BAIAP2L1: variants seen among roughly 807,000 people sequenced by gnomAD.
BAIAP2L1 encodes the protein BAR/IMD domain containing adaptor protein 2 like 1.
Under a neutral mutation model 66.3 loss-of-function variants are expected in BAIAP2L1, and 35 were observed. That is an observed-to-expected ratio of 0.53 (90% confidence interval 0.40 to 0.70). The LOEUF (loss-of-function observed/expected upper bound fraction) is 0.70. Ranked by LOEUF, BAIAP2L1 falls within the 30% of genes least tolerant of loss-of-function variation. BAIAP2L1 has a pLI of 0.00. For synonymous variants in BAIAP2L1, 269 were observed against 248.7 expected (o/e 1.08, Z -0.77); for missense variants, 622 against 656.9 (o/e 0.95, Z 0.58).
At chr7:98,344,461 T>C (rs185922640) in intron 3 of BAIAP2L1, among the ~76,000 whole-genome samples, 14 of 152,214 alleles carry the variant, frequency 9.2e-5, no homozygotes, top group Admixed American at 3.3e-4. Flanking sequence ...ATCTATCTAA[T>C]AGAATAGATT....
chr7:98,308,470 C>G (rs956663489), intron 9 of BAIAP2L1: 7 of 364,916 alleles, frequency 1.9e-5, no homozygotes, highest in African/African-American at 8.5e-5. Flanking sequence ...GCTGCCATCC[C>G]GCCAGGCTCC....
chr7:98,306,725 A>G (rs894171185), intron 10 of BAIAP2L1: 9 of 693,394 alleles, frequency 1.3e-5, no homozygotes, highest in African/African-American at 1.8e-5. Flanking sequence ...TTTTTTTAAT[A>G]GAGACAGGGT....
At chr7:98,305,260 T>C (rs959332355) in intron 11 of BAIAP2L1, among the ~76,000 whole-genome samples, 17 of 151,558 alleles carry the variant, frequency 1.1e-4, no homozygotes, top group African/African-American at 3.2e-4. Flanking sequence ...TCTTGATTGA[T>C]TTAATCTAAG....
At chr7:98,332,665 TG>T (rs1013202462) in intron 3 of BAIAP2L1, among the ~76,000 whole-genome samples, 16 of 151,038 alleles carry the variant, frequency 1.1e-4, no homozygotes, top group African/African-American at 3.9e-4. Flanking sequence ...AAAAATTAGC[TG>T]GGCCTAGTGG....
chr7:98,392,009 A>G lies in BAIAP2L1; in HGVS notation c.51+8793T>C, dbSNP rs368550957. ...CTGAAAACACACACACATCCCTTCTATGTGTTATTAAAAAGGAAGTGGTTT... is the reference window on the plus strand; with the variant it reads ...CTGAAAACACACACACATCCCTTCTGTGTGTTATTAAAAAGGAAGTGGTTT... On this transcript the variant is annotated intron_variant, in intron 1 of 13. Coordinates refer to ENST00000005260, the MANE Select transcript of BAIAP2L1 (RefSeq NM_018842.5). Among the ~76,000 whole-genome samples the G allele has an allele frequency of 1.1e-3, 161 of 151,990 alleles. 2 individuals carry two copies. The South Asian group carries it at 0.032, about 30-fold the overall frequency.
At chr7:98,304,401 C>T (rs755519692) in intron 11 of BAIAP2L1, 25 bp from the exon 12 acceptor site, 38 of 1,611,606 alleles carry the variant, frequency 2.4e-5, no homozygotes, top group Non-Finnish European at 3.1e-5. Context: ...GGACACAGCA[C>T]GTGTTAGATA....
At chr7:98,374,330 G>C (rs1245512096) in intron 1 of BAIAP2L1, among the ~76,000 whole-genome samples, 3 of 152,150 alleles carry the variant, frequency 2.0e-5, no homozygotes, top group African/African-American at 7.2e-5. Flanking sequence ...CCGGCTCTAT[G>C]TCTAACATTT....
chr7:98,329,475 G>A (rs989423335), intron 3 of BAIAP2L1, among the ~76,000 whole-genome samples: 1 of 152,138 alleles, frequency 6.6e-6, no homozygotes, highest in Non-Finnish European at 1.5e-5. Flanking sequence ...TTACGTCTAG[G>A]AGTCCCACCA....
intron 3 of BAIAP2L1, among the ~76,000 whole-genome samples, chr7:98,329,049 CATCCATCAGGATTG>C (rs1444738853): frequency 6.6e-6 from 1 of 152,182 alleles, no homozygotes; most frequent in East Asian, 1.9e-4. Context: ...GTTTAAGTTG[CATCCATCAGGATTG>C]ATCCATCAGA....
At chr7:98,370,793 G>A (rs1198413707) in intron 1 of BAIAP2L1, among the ~76,000 whole-genome samples, 3 of 152,122 alleles carry the variant, frequency 2.0e-5, no homozygotes, top group African/African-American at 4.8e-5. Context: ...GAGCCACCGC[G>A]CCTGGCCAAT....
chr7:98,320,369 T>C, intron 3 of BAIAP2L1, 71 bp from the exon 4 acceptor site: 2 of 1,234,814 alleles, frequency 1.6e-6, no homozygotes, highest in South Asian at 1.4e-5. Flanking sequence ...GAGTTTTTGC[T>C]CTGTCGCCCA....
At chr7:98,297,953 G>A (rs1447083289) in intron 12 of BAIAP2L1, among the ~76,000 whole-genome samples, 1 of 152,218 alleles carries the variant, frequency 6.6e-6, no homozygotes, top group East Asian at 1.9e-4. Context: ...AATTCAGGCC[G>A]GGCACAGTGG....
chr7:98,354,921 T>G, intron 3 of BAIAP2L1, 121 bp downstream of exon 3: 1 of 747,532 alleles, frequency 1.3e-6, no homozygotes, highest in Non-Finnish European at 2.4e-6. Flanking sequence ...CGCGGTGAAG[T>G]AGAACCACAG....
At chr7:98,340,012 C>G (rs769988803) in intron 3 of BAIAP2L1, among the ~76,000 whole-genome samples, 1 of 152,128 alleles carries the variant, frequency 6.6e-6, no homozygotes, top group Non-Finnish European at 1.5e-5. Context: ...GGGACACTTA[C>G]GCTGTCTCCA....
intron 11 of BAIAP2L1, 75 bp from the exon 12 acceptor site, chr7:98,304,451 G>A (rs937842265): frequency 1.0e-4 from 149 of 1,469,860 alleles, no homozygotes; most frequent in Non-Finnish European, 1.3e-4. Context: ...CTGTGTCCCT[G>A]ACCAAGGACA....
At chr7:98,356,415 G>C (rs1262594852) in intron 2 of BAIAP2L1, among the ~76,000 whole-genome samples, 1 of 152,134 alleles carries the variant, frequency 6.6e-6, no homozygotes, top group Non-Finnish European at 1.5e-5. Flanking sequence ...GGAGCTAAAA[G>C]AGCCCTCGGG....
intron 3 of BAIAP2L1, among the ~76,000 whole-genome samples, chr7:98,350,541 C>T (rs943584649): frequency 6.6e-6 from 1 of 152,106 alleles, no homozygotes; most frequent in African/African-American, 2.4e-5. Flanking sequence ...CACCTGTAGT[C>T]GCAGCTACTC....
chr7:98,361,358 GAAAA>G (rs563138856), intron 2 of BAIAP2L1, among the ~76,000 whole-genome samples: 3 of 140,866 alleles, frequency 2.1e-5, no homozygotes, highest in East Asian at 2.0e-4. Context: ...CTCTGTCTGG[GAAAA>G]AAAAAAAGAA....
intron 12 of BAIAP2L1, among the ~76,000 whole-genome samples, chr7:98,303,459 T>TC (rs1800508921): frequency 6.6e-6 from 1 of 152,168 alleles, no homozygotes. Flanking sequence ...GCCGCGCTGC[T>TC]CCCCACCACG....
Sources: gnomAD v4.1 joint callset for allele counts (sites outside exome capture counted in the v4.1 genomes callset) on GRCh38, gnomAD v4.1.1 for gene constraint, MANE v1.5 for transcripts, NCBI Gene and HGNC (gene_info 2026-07-23, HGNC 2026-07-21) for gene names.